Variants in GRM7 observed in about 807,000 individuals in gnomAD.
GRM7 encodes metabotropic glutamate receptor 7.
GRM7 carries 35 observed loss-of-function variants against 84.5 expected under a neutral mutation model. The ratio of observed to expected loss-of-function variants is 0.41; its 90% confidence interval spans 0.32 to 0.55. The LOEUF is 0.55. Among genes scored for constraint, GRM7 ranks in the 20% least tolerant of loss-of-function variants. GRM7 has a pLI of 0.19. For synonymous variants in GRM7, 487 were observed against 455.1 expected (o/e 1.07, Z -0.89); for missense variants, 1,003 against 1,194.6 (o/e 0.84, Z 2.36).
intron 5 of GRM7, among the ~76,000 whole-genome samples, chr3:7,448,282 G>T (rs993173926): frequency 6.6e-6 from 1 of 151,702 alleles, no homozygotes; most frequent in Non-Finnish European, 1.5e-5. Context: ...GGATGGCTGG[G>T]TCAAATGGTA....
intron 3 of GRM7, among the ~76,000 whole-genome samples, chr3:7,301,289 C>T (rs559993692): frequency 6.6e-6 from 1 of 152,272 alleles, no homozygotes; most frequent in African/African-American, 2.4e-5. Context: ...TATTATTTCT[C>T]TCCTTACAAA....
chr3:7,378,257 T>C (rs895633693), intron 4 of GRM7, among the ~76,000 whole-genome samples: 3 of 152,240 alleles, frequency 2.0e-5, no homozygotes, highest in African/African-American at 7.2e-5. Context: ...CTACCTTGAT[T>C]TTGGTACCAC....
Position 6,861,352 on chromosome 3 carries a change from C to T in GRM7, c.-37C>T, listed in dbSNP as rs565608693. 1,149 of 1,474,026 alleles carry T rather than the reference C, an allele frequency of 7.8e-4. No individual in the cohort carries two copies. The highest frequency in any genetic ancestry group is 9.8e-4 in the Non-Finnish European group (1,103 of 1,123,508). The allele number at this position is 1,474,026 out of a possible 1,614,324, so 91.3% of individuals were successfully genotyped here. A position where few individuals can be genotyped will look rare whatever the true frequency, so the allele number is the denominator to read the frequency against. ...CTCGGCGAGCCCACCACCGTTCCCTCCAGCGCCGCCGCCGCCACCGCAGCA... is the reference window on the plus strand; with the variant it reads ...CTCGGCGAGCCCACCACCGTTCCCTTCAGCGCCGCCGCCGCCACCGCAGCA... On this transcript the variant is annotated 5_prime_UTR_variant, in exon 1 of 10. Coordinates refer to ENST00000357716, the MANE Select transcript of GRM7 (RefSeq NM_000844.4). This position sits in a 1 kb window ranked among gnomAD's most constrained non-coding sequence, Gnocchi z 6.4.
intron 9 of GRM7, among the ~76,000 whole-genome samples, chr3:7,682,695 AT>A (rs1700425892): frequency 6.6e-6 from 1 of 152,220 alleles, no homozygotes; most frequent in South Asian, 2.1e-4. Flanking sequence ...CTACTTAAGA[AT>A]TGTTAACTTT....
chr3:7,017,690 A>G (rs551484673), intron 1 of GRM7, among the ~76,000 whole-genome samples: 3 of 152,258 alleles, frequency 2.0e-5, no homozygotes, highest in Non-Finnish European at 2.9e-5. Context: ...CCCCCTAGAA[A>G]TCCTGAGTTC....
At chr3:7,300,178 T>A (rs1445641177) in intron 3 of GRM7, among the ~76,000 whole-genome samples, 1 of 152,166 alleles carries the variant, frequency 6.6e-6, no homozygotes, top group African/African-American at 2.4e-5. Context: ...CAAAATAATA[T>A]ATCATTGACT....
intron 9 of GRM7, among the ~76,000 whole-genome samples, chr3:7,691,754 G>A (rs1489547994): frequency 6.6e-6 from 1 of 152,118 alleles, no homozygotes. Context: ...TCTGCCTCCT[G>A]GGTTCAAGTG....
chr3:7,260,806 T>C (rs1398895329), intron 2 of GRM7, among the ~76,000 whole-genome samples: 1 of 152,120 alleles, frequency 6.6e-6, no homozygotes, highest in Middle Eastern at 3.2e-3. Context: ...TCAGTTGTAA[T>C]GATAGGTTGC....
chr3:7,683,892 T>A (rs1284887743), intron 9 of GRM7, among the ~76,000 whole-genome samples: 1 of 152,074 alleles, frequency 6.6e-6, no homozygotes, highest in East Asian at 1.9e-4. Flanking sequence ...ACATTGGATA[T>A]AGCTCCCAAA....
intron 8 of GRM7, among the ~76,000 whole-genome samples, chr3:7,668,303 C>T (rs1307969290): frequency 6.6e-6 from 1 of 152,182 alleles, no homozygotes; most frequent in Non-Finnish European, 1.5e-5. Context: ...GAAATGGAAT[C>T]TCTATCTTTG....
chr3:6,946,671 A>G (rs1698093827), intron 1 of GRM7, among the ~76,000 whole-genome samples: 1 of 152,104 alleles, frequency 6.6e-6, no homozygotes, highest in Admixed American at 6.5e-5. Flanking sequence ...TTTTCATGAT[A>G]TTGATTCTTC....
chr3:7,173,983 A>G (rs189351147), intron 2 of GRM7, among the ~76,000 whole-genome samples: 8 of 152,314 alleles, frequency 5.3e-5, no homozygotes, highest in African/African-American at 1.2e-4. Context: ...AAAATCGTGC[A>G]TGGTCAAATT....
At chr3:7,596,295 C>T (rs899498116) in intron 8 of GRM7, among the ~76,000 whole-genome samples, 7 of 152,150 alleles carry the variant, frequency 4.6e-5, no homozygotes, top group South Asian at 4.2e-4. Context: ...GAGGCAACTT[C>T]GGACACAGTA....
chr3:6,988,764 T>G (rs962794511), intron 1 of GRM7, among the ~76,000 whole-genome samples: 3 of 152,228 alleles, frequency 2.0e-5, no homozygotes, highest in African/African-American at 4.8e-5. Flanking sequence ...ATAAGAAGTA[T>G]AATTTCCAAA....
intron 2 of GRM7, among the ~76,000 whole-genome samples, chr3:7,277,373 C>T (rs1699110515): frequency 6.6e-6 from 1 of 151,840 alleles, no homozygotes; most frequent in South Asian, 2.1e-4. Flanking sequence ...TAAAAGGGAA[C>T]TGTCACTTAA....
chr3:6,864,643 G>C (rs1021983462), intron 1 of GRM7, among the ~76,000 whole-genome samples: 1 of 152,150 alleles, frequency 6.6e-6, no homozygotes, highest in Admixed American at 6.5e-5. Flanking sequence ...TTCCCTGCAG[G>C]TTGCTTTAGG....
chr3:7,602,580 A>T (rs1392628936), intron 8 of GRM7, among the ~76,000 whole-genome samples: 1 of 152,198 alleles, frequency 6.6e-6, no homozygotes, highest in East Asian at 1.9e-4. Context: ...GGCTTTCAGC[A>T]TCAGCGACTA....
intron 2 of GRM7, among the ~76,000 whole-genome samples, chr3:7,285,330 C>A (rs529576311): frequency 1.3e-5 from 2 of 152,080 alleles, no homozygotes; most frequent in Admixed American, 1.3e-4. Context: ...CTTTTTAAAA[C>A]CCCCTACAGA....
intron 1 of GRM7, among the ~76,000 whole-genome samples, chr3:7,064,479 T>TATATATGTATATATATATATACAC: frequency 4.0e-5 from 4 of 99,382 alleles, no homozygotes; most frequent in African/African-American, 1.6e-4. Flanking sequence ...TATATATATA[T>TATATATGTATATATATATATACAC]ACACACATAT....
Sources: allele counts gnomAD v4.1 joint callset (sites outside exome capture counted in the v4.1 genomes callset), GRCh38; gene constraint gnomAD v4.1.1; non-coding constraint Gnocchi (gnomAD v3.1); transcripts MANE v1.5; gene names NCBI Gene and HGNC (gene_info 2026-07-23, HGNC 2026-07-21).